The following NAA11 variants were observed in gnomAD, a reference collection of about 807,000 sequenced individuals.
NAA11 encodes the protein N-alpha-acetyltransferase 11, NatA catalytic subunit, also known as N-alpha-acetyltransferase 11.
In NAA11, 15 loss-of-function variants were observed where a neutral mutation model predicts 16.1. The ratio of observed to expected loss-of-function variants is 0.93; its 90% confidence interval spans 0.62 to 1.44. NAA11 has a LOEUF of 1.44. Ranked by LOEUF, NAA11 falls within the 40% of genes most tolerant of loss-of-function variation. NAA11 has a pLI of 0.00. For synonymous variants in NAA11, 122 were observed against 112.4 expected, an observed-to-expected ratio of 1.09 and a Z score of -0.54; for missense variants, 298 against 291.3, an observed-to-expected ratio of 1.02 and a Z score of -0.17.
chr4:79,224,785 A>G (rs1311962499), downstream of NAA11, among the ~76,000 whole-genome samples: 3 of 152,164 alleles, frequency 2.0e-5, no homozygotes, highest in Non-Finnish European at 2.9e-5. Context: ...CAACGTCAAC[A>G]GTGATCAATC....
At chr4:79,175,145 C>G in the NAA11 span, among the ~76,000 whole-genome samples, 3 of 152,066 alleles carry the variant, frequency 2.0e-5, no homozygotes, top group African/African-American at 7.2e-5. Flanking sequence ...CAAAGAAAGG[C>G]AAGTCCTAAA....
the NAA11 span, among the ~76,000 whole-genome samples, chr4:79,212,697 A>G: frequency 6.6e-6 from 1 of 152,064 alleles, no homozygotes; most frequent in African/African-American, 2.4e-5. Flanking sequence ...GTAACTTATA[A>G]TCCAATATAT....
chr4:79,161,747 T>G, the NAA11 span, among the ~76,000 whole-genome samples: 9 of 151,932 alleles, frequency 5.9e-5, no homozygotes, highest in Non-Finnish European at 1.3e-4. Flanking sequence ...TGATCTCGGC[T>G]CACTGCAACC....
Position 79,296,982 on chromosome 4 carries a change from C to T in NAA11, c.*13-2868G>A, listed in dbSNP as rs189787005. On this transcript the variant is annotated intron_variant and NMD_transcript_variant, in intron 1 of 2. Coordinates refer to the NAA11 transcript ENST00000511542. Reference sequence around the variant, plus strand: ...GAGGCACAGGCAGTGACAGCAGGAGCGGCTGTGGGAGCATCATCAATGGCA... The same window carrying T: ...GAGGCACAGGCAGTGACAGCAGGAGTGGCTGTGGGAGCATCATCAATGGCA... Among the ~76,000 whole-genome samples, 9 of 152,252 alleles carry T rather than the reference C, an allele frequency of 5.9e-5. No individual in the cohort carries two copies. In the East Asian group the frequency reaches 7.7e-4, roughly 13 times the overall value.
chr4:79,287,254 TAGACTC>T (rs1315117372), intron 2 of NAA11, among the ~76,000 whole-genome samples: 1 of 152,140 alleles, frequency 6.6e-6, no homozygotes, highest in Non-Finnish European at 1.5e-5. Context: ...GACATTTAAT[TAGACTC>T]AGGAGTCAAA....
chr4:79,157,585 ACG>A, the NAA11 span, among the ~76,000 whole-genome samples: 1 of 151,922 alleles, frequency 6.6e-6, no homozygotes, highest in African/African-American at 2.4e-5. Context: ...ATACATATAT[ACG>A]TGTGTGTGTA....
intron 2 of NAA11, among the ~76,000 whole-genome samples, chr4:79,240,403 T>G (rs1195629910): frequency 1.3e-5 from 2 of 152,206 alleles, no homozygotes; most frequent in Non-Finnish European, 2.9e-5. Flanking sequence ...GTATATGCTT[T>G]GTGTTAGAGA....
At position 79,316,782 on chromosome 4, in the gene NAA11, G is replaced by A. The variant is rs953171983; in HGVS notation, c.*1022C>T. ...TTTACAATTGACATACAGTAGCCAT[G>A]TATTAAGCAAACACATTTTTAAACA... On this transcript the variant is annotated 3_prime_UTR_variant, in exon 2 of 2. Coordinates refer to ENST00000286794, the MANE Select transcript of NAA11 (RefSeq NM_032693.3). 2 of 152,162 alleles carry A rather than the reference G, an allele frequency of 1.3e-5. No homozygotes were observed. Among genetic ancestry groups the A allele is most frequent in the Non-Finnish European group, 2.9e-5 (2 of 68,022 alleles). The allele number at this position is 152,162 out of a possible 1,614,324, so 9.4% of individuals were successfully genotyped here. A position where few individuals can be genotyped will look rare whatever the true frequency, so the allele number is the denominator to read the frequency against.
exon 3 of NAA11, chr4:79,225,735 C>G (rs1420034707): frequency 1.3e-5 from 2 of 152,044 alleles, no homozygotes; most frequent in African/African-American, 2.4e-5. Context: ...GTCTTACTTT[C>G]TGCTCTTTGG....
chr4:79,305,258 T>TAAC (rs1723542052), intron 1 of NAA11: 1 of 152,234 alleles, frequency 6.6e-6, no homozygotes, highest in South Asian at 2.1e-4. Flanking sequence ...TGGTGATTAA[T>TAAC]AACTAAGGTA....
At chr4:79,228,384 G>A (rs1560690310) in intron 2 of NAA11, among the ~76,000 whole-genome samples, 1 of 151,716 alleles carries the variant, frequency 6.6e-6, no homozygotes, top group Non-Finnish European at 1.5e-5. Context: ...CATTCTCATT[G>A]GTGCACAGTT....
At chr4:79,191,185 C>G in the NAA11 span, among the ~76,000 whole-genome samples, 1 of 152,094 alleles carries the variant, frequency 6.6e-6, no homozygotes, top group Non-Finnish European at 1.5e-5. Flanking sequence ...TGGGTATATA[C>G]CCAGCAATGG....
intron 2 of NAA11, among the ~76,000 whole-genome samples, chr4:79,230,057 G>A (rs1038300471): frequency 3.3e-5 from 5 of 151,992 alleles, no homozygotes; most frequent in African/African-American, 1.2e-4. Flanking sequence ...CAAAGGACAT[G>A]AACTCATCAT....
At chr4:79,209,310 G>A in the NAA11 span, among the ~76,000 whole-genome samples, 99 of 152,244 alleles carry the variant, frequency 6.5e-4, 1 homozygote, top group Admixed American at 1.8e-3. Flanking sequence ...CATTTGAAGT[G>A]GGTGATAGAT....
At chr4:79,225,956 C>T (rs937608856) in exon 3 of NAA11, 3 of 152,016 alleles carry the variant, frequency 2.0e-5, no homozygotes, top group African/African-American at 7.2e-5. Flanking sequence ...CAATGGTTTG[C>T]CCCCATACTA....
chr4:79,325,810 G>A lies in NAA11; in HGVS notation c.68C>T (p.Pro23Leu). 1.2e-6 allele frequency: 2 copies of A among 1,614,144 alleles called. No homozygotes were observed. The highest frequency in any genetic ancestry group is 1.7e-6 in the Non-Finnish European group (2 of 1,179,990). The change falls in exon 1 of 2, where the codon CCT (proline) becomes CTT (leucine). Residue 23 changes from proline to leucine, a missense_variant. Transcript: ENST00000286794. ...ATAGTATTTCATCTGGTAGTTCTCA[G>A]GAAGGCAAAGGAGGTTGCAGTGTTG... ...NMQHCNLLCL[P>L]ENYQMKYYLY...
the NAA11 span, among the ~76,000 whole-genome samples, chr4:79,155,714 G>C: frequency 1.3e-5 from 2 of 152,166 alleles, no homozygotes; most frequent in African/African-American, 4.8e-5. Context: ...CAGAATAACA[G>C]AATTAACTAT....
chr4:79,259,014 T>A, intron 2 of NAA11: 1 of 177,360 alleles, frequency 5.6e-6, no homozygotes, highest in East Asian at 1.7e-4. Context: ...GCAGAGACAG[T>A]GGGACAACCT....
At chr4:79,253,029 G>T (rs1000710927) in intron 2 of NAA11, among the ~76,000 whole-genome samples, 1 of 152,214 alleles carries the variant, frequency 6.6e-6, no homozygotes, top group African/African-American at 2.4e-5. Context: ...AGTAGTAGTA[G>T]AAGTGGTGAG....
Sources: allele counts gnomAD v4.1 joint callset (sites outside exome capture counted in the v4.1 genomes callset), GRCh38; gene constraint gnomAD v4.1.1; transcripts MANE v1.5; gene names NCBI Gene and HGNC (gene_info 2026-07-23, HGNC 2026-07-21).